The following EDNRB variants were observed in gnomAD, a reference collection of about 807,000 sequenced individuals.
EDNRB encodes Hirschsprung disease 2.
EDNRB carries 18 observed loss-of-function variants against 46.4 expected under a neutral mutation model. The ratio of observed to expected loss-of-function variants is 0.39; its 90% CI spans 0.27 to 0.57. The LOEUF is 0.57. Ranked by LOEUF, EDNRB falls within the 20% of genes least tolerant of loss-of-function variation. The pLI is 0.61. For synonymous variants in EDNRB, 213 were observed against 204.9 expected, an observed-to-expected ratio of 1.04 and a Z score of -0.34; for missense variants, 434 against 537.5, an observed-to-expected ratio of 0.81 and a Z score of 1.90.
At chr13:77,931,745 AAAAAAAAAAAAAAAAC>A (rs985334256) in intron 1 of EDNRB, among the ~76,000 whole-genome samples, 5 of 11,172 alleles carry the variant, frequency 4.5e-4, no homozygotes, top group Non-Finnish European at 6.9e-4. Context: ...CTGTAGTAGC[AAAAAAAAAAAAAAAAC>A]AAAAAAAAAA....
chr13:77,946,969 C>T (rs1292712638), intron 1 of EDNRB, among the ~76,000 whole-genome samples: 1 of 152,110 alleles, frequency 6.6e-6, no homozygotes, highest in Admixed American at 6.5e-5. Context: ...CAAACAAGTC[C>T]TATGGGGGTA....
chr13:77,974,550 A>T (rs1422759794), intron 1 of EDNRB, among the ~76,000 whole-genome samples: 1 of 151,956 alleles, frequency 6.6e-6, no homozygotes, highest in African/African-American at 2.4e-5. Flanking sequence ...AATAGGGTAC[A>T]CTTTTTTTCT....
chr13:77,973,860 C>T lies in EDNRB; in HGVS notation c.-52+1487G>A, dbSNP rs531624198. 2.6e-5 allele frequency among the ~76,000 whole-genome samples: 4 copies of T among 151,890 alleles called. No homozygotes were observed. In the East Asian group the frequency reaches 5.8e-4, roughly 22 times the overall value. ...TATTACAAATATTTCTTTCTTTAAACAACCAGCTAATTTATTTCAGGACAA... is the reference window on the plus strand; with the variant it reads ...TATTACAAATATTTCTTTCTTTAAATAACCAGCTAATTTATTTCAGGACAA... On this transcript the variant is annotated intron_variant, in intron 1 of 7. Coordinates refer to the EDNRB transcript ENST00000646948.
chr13:77,898,529 A>G (rs1878757547), intron 6 of EDNRB, among the ~76,000 whole-genome samples, 195 bp from the exon 7 acceptor site: 1 of 151,990 alleles, frequency 6.6e-6, no homozygotes, highest in Non-Finnish European at 1.5e-5. Flanking sequence ...AAAAAAATGC[A>G]GAGAAGAAAA....
intron 1 of EDNRB, among the ~76,000 whole-genome samples, chr13:77,908,040 A>G (rs1879372422): frequency 1.2e-5 from 1 of 80,148 alleles, no homozygotes; most frequent in Admixed American, 1.5e-4. Flanking sequence ...AAAAAAAAAA[A>G]AAAAGAGAGA....
intron 1 of EDNRB, among the ~76,000 whole-genome samples, chr13:77,904,363 T>C (rs1288014307): frequency 6.6e-6 from 1 of 152,010 alleles, no homozygotes; most frequent in Non-Finnish European, 1.5e-5. Flanking sequence ...AGTCTATCAA[T>C]TCCTGTGGCA....
At chr13:77,930,928 T>C (rs1165321650) in intron 1 of EDNRB, among the ~76,000 whole-genome samples, 2 of 152,192 alleles carry the variant, frequency 1.3e-5, no homozygotes, top group African/African-American at 4.8e-5. Flanking sequence ...CACCTACTTT[T>C]ACCTTATAAG....
chr13:77,903,924 G>C (rs907313542), intron 1 of EDNRB, among the ~76,000 whole-genome samples: 1 of 151,936 alleles, frequency 6.6e-6, no homozygotes, highest in African/African-American at 2.4e-5. Context: ...CCTGTATACT[G>C]TCATGGAGTC....
chr13:77,954,550 C>T, intron 1 of EDNRB, among the ~76,000 whole-genome samples: 1 of 151,708 alleles, frequency 6.6e-6, no homozygotes, highest in East Asian at 1.9e-4. Context: ...CTCACTCTGT[C>T]ACCCAGGCTG....
In EDNRB at chr13:77,931,339, T is replaced by A. The variant is rs1880391474; in HGVS notation, c.-51-12715A>T. On this transcript the variant is annotated intron_variant, in intron 1 of 7. Transcript: ENST00000646948. The stretch of plus-strand genomic sequence containing the variant: ...CTATAAGAAGTCAAGTATTTTTTTT[T>A]AAAGTTTGAATAAACCTGCTTATAA... 2.0e-5 allele frequency among the ~76,000 whole-genome samples: 3 copies of A among 152,284 alleles called. No individual in the cohort carries two copies. In the South Asian group the frequency reaches 6.2e-4, roughly 32 times the overall value.
At chr13:77,898,918 T>C (rs1878779864) in intron 6 of EDNRB, among the ~76,000 whole-genome samples, 1 of 152,014 alleles carries the variant, frequency 6.6e-6, no homozygotes, top group African/African-American at 2.4e-5. Flanking sequence ...TTTTCAGCCA[T>C]GTATTCTCAT....
intron 6 of EDNRB, chr13:77,899,469 T>A (rs988131935): frequency 7.8e-5 from 15 of 191,382 alleles, no homozygotes; most frequent in Non-Finnish European, 6.6e-5. Context: ...AAAAAGGAAC[T>A]AATTTAGTTA....
At chr13:77,934,104 G>A (rs773801855) in intron 1 of EDNRB, among the ~76,000 whole-genome samples, 9 of 152,130 alleles carry the variant, frequency 5.9e-5, no homozygotes, top group Admixed American at 3.3e-4. Context: ...GCTTGGAGAA[G>A]CAGCGTAAAC....
At chr13:77,898,882 A>C (rs1680006236) in intron 6 of EDNRB, among the ~76,000 whole-genome samples, 1 of 151,996 alleles carries the variant, frequency 6.6e-6, no homozygotes, top group Admixed American at 6.6e-5. Context: ...TTCTCATGTC[A>C]ATGAATTTAA....
intron 1 of EDNRB, among the ~76,000 whole-genome samples, chr13:77,925,122 A>C (rs1880197450): frequency 6.6e-6 from 1 of 152,222 alleles, no homozygotes; most frequent in African/African-American, 2.4e-5. Flanking sequence ...CTACTTTAGA[A>C]ATCTCATACA....
At chr13:77,966,760 T>C (rs1881594818) in intron 1 of EDNRB, among the ~76,000 whole-genome samples, 1 of 152,162 alleles carries the variant, frequency 6.6e-6, no homozygotes, top group African/African-American at 2.4e-5. Context: ...AAGTAAAAAT[T>C]TTTTTATCTC....
chr13:77,923,448 G>C (rs1481383826), upstream of EDNRB, among the ~76,000 whole-genome samples: 1 of 152,124 alleles, frequency 6.6e-6, no homozygotes, highest in Non-Finnish European at 1.5e-5. Context: ...TGCCGTCTTG[G>C]TTTGTCAATG....
At chr13:77,927,573 A>G (rs1880272551) in intron 1 of EDNRB, among the ~76,000 whole-genome samples, 1 of 152,198 alleles carries the variant, frequency 6.6e-6, no homozygotes, top group Non-Finnish European at 1.5e-5. Context: ...TTCCAATTCC[A>G]AATTAGTTGG....
chr13:77,959,085 T>C (rs1204147915), intron 1 of EDNRB, among the ~76,000 whole-genome samples: 1 of 152,208 alleles, frequency 6.6e-6, no homozygotes, highest in Non-Finnish European at 1.5e-5. Flanking sequence ...AAATAGAACA[T>C]TAATATTACA....
Sources: allele counts gnomAD v4.1 joint callset (sites outside exome capture counted in the v4.1 genomes callset), GRCh38; gene constraint gnomAD v4.1.1; transcripts MANE v1.5; gene names NCBI Gene and HGNC (gene_info 2026-07-23, HGNC 2026-07-21).